The following TRAPPC14 variants were observed in gnomAD, a reference collection of about 807,000 sequenced individuals.
The protein encoded by TRAPPC14 is microtubule associated protein 11.
In TRAPPC14, 24 loss-of-function variants were observed where a neutral mutation model predicts 56.6. That is an observed-to-expected ratio of 0.42 (90% CI 0.31 to 0.60). TRAPPC14 has a LOEUF of 0.60. TRAPPC14 is among the 20% of genes least tolerant of loss of function. The pLI, the probability that TRAPPC14 is intolerant of heterozygous loss-of-function variation, is 0.14. For missense variants in TRAPPC14, 615 were observed against 790.3 expected, an observed-to-expected ratio of 0.78 and a Z score of 2.66; for synonymous variants, 377 against 347.0, an observed-to-expected ratio of 1.09 and a Z score of -0.96.
At chr7:100,157,797 A>G in intron 2 of TRAPPC14, 35 bp from the exon 3 acceptor site, 5 of 1,614,172 alleles carry the variant, frequency 3.1e-6, no homozygotes, top group Non-Finnish European at 3.4e-6. Flanking sequence ...TGAGCCCGGA[A>G]AAGGTGTCTG....
At position 100,157,281 on chromosome 7, in the gene TRAPPC14, A is replaced by C. The variant is rs570232635; in HGVS notation, c.725-67T>G. On this transcript the variant is annotated intron_variant, in intron 4 of 10. Transcript: ENST00000316937. ...TCAGGCCCCACCTTTACCCAGAAAA[A>C]ACCGGACCTACCCCACCAGCCTGCC... 35 of 1,613,184 alleles carry C rather than the reference A, an allele frequency of 2.2e-5. 1 individual carries two copies. In the Middle Eastern group the frequency reaches 9.9e-4, roughly 46 times the overall value.
chr7:100,157,712 A>C lies in TRAPPC14; in HGVS notation c.558T>G (p.Asp186Glu). The C allele has an allele frequency of 6.2e-7, 1 of 1,614,170 alleles. No individual in the cohort carries two copies. Among genetic ancestry groups the C allele is most frequent in the South Asian group, 1.1e-5 (1 of 91,086 alleles). ...KREIEAPEVR[D>E]QGYLRLLQTR... ...TCTGCAGCAATCGCAGGTAGCCTTG[A>C]TCTCTGACCTCTGGTGCCTCAATCT... The change falls in exon 3 of 11, where the codon GAT (aspartate) becomes GAG (glutamate). Residue 186 changes from aspartate (D) to glutamate (E), a missense_variant. Asp to Glu is a conservative substitution (Grantham distance 45, BLOSUM62 2). Coordinates refer to ENST00000316937, the MANE Select transcript of TRAPPC14 (RefSeq NM_018275.5).
At chr7:100,157,585 C>A (rs745819727) in intron 3 of TRAPPC14, 48 bp downstream of exon 3, 1 of 1,610,020 alleles carries the variant, frequency 6.2e-7, no homozygotes, top group Non-Finnish European at 8.5e-7. Context: ...CCCCTCTGTC[C>A]CCCAATTCCC....
intron 8 of TRAPPC14, 97 bp downstream of exon 8, chr7:100,156,289 G>T: frequency 1.5e-6 from 2 of 1,304,510 alleles, no homozygotes; most frequent in Non-Finnish European, 2.1e-6. Context: ...GATGGGGCTG[G>T]CACCAAATTT....
chr7:100,157,799 A>G, intron 2 of TRAPPC14, 37 bp from the exon 3 acceptor site: 2 of 1,614,080 alleles, frequency 1.2e-6, no homozygotes, highest in South Asian at 1.1e-5. Flanking sequence ...AGCCCGGAAA[A>G]GGTGTCTGAA....
rs558148477 is a variant in TRAPPC14, at chr7:100,158,386, C to T, written c.114G>A (p.Leu38=). 5.4e-6 allele frequency: 8 copies of T among 1,475,198 alleles called. No individual in the cohort carries two copies. The highest frequency in any genetic ancestry group is 1.5e-5 in the African/African-American group (1 of 68,140). 91.4% of individuals were successfully genotyped at this position (1,475,198 alleles called of 1,614,324 possible). Residue 38 remains leucine, a synonymous_variant, in exon 1 of 11, where the codon CTG becomes CTA. Coordinates refer to ENST00000316937, the MANE Select transcript of TRAPPC14 (RefSeq NM_018275.5). ...GAAAACGGACAGTCTCCCCCAAGTA[C>T]AGATGGTTGCGCCGGGGCAGCGCCC... ...RYRALPRRNH[L]YLGETVRFLL...
rs1206598688 is a variant in TRAPPC14 at position 100,158,476 on chromosome 7, C to G, written c.24G>C (p.Ser8=). 1 of 1,361,856 alleles carries G rather than the reference C, an allele frequency of 7.3e-7. No individual in the cohort carries two copies. The highest frequency in any genetic ancestry group is 9.4e-7 in the Non-Finnish European group (1 of 1,059,726). The allele number at this position is 1,361,856 out of a possible 1,614,324, so 84.4% of individuals were successfully genotyped here. The change falls in exon 1 of 11, where the codon TCG becomes TCC. Residue 8 remains serine (S), a synonymous_variant. Coordinates refer to ENST00000316937, the MANE Select transcript of TRAPPC14 (RefSeq NM_018275.5). ...GCAGCGGCACGGCCGGGAAGTACAT[C>G]GAGTAGTCGCACTGGGACTCCATGG... The part of the protein sequence containing the change: MESQCDY[S]MYFPAVPLPP...
chr7:100,158,092 G>T lies in TRAPPC14; in HGVS notation c.408C>A (p.Thr136=). The T allele has an allele frequency of 6.7e-7, 1 of 1,486,614 alleles. No individual in the cohort carries two copies. Among genetic ancestry groups the T allele is most frequent in the Non-Finnish European group, 8.9e-7 (1 of 1,118,656 alleles). The allele number at this position is 1,486,614 out of a possible 1,614,324, so 92.1% of individuals were successfully genotyped here. A position where few individuals can be genotyped will look rare whatever the true frequency, so the allele number is the denominator to read the frequency against. ...GPGPATSGGA[T]TLPVEEPIVS... is the part of the protein sequence containing the mutation. ...CAGGTCCCCCAAAGCTCCTCACCGTGGTCGCTCCCCCTGAGGTAGCAGGGC... is the reference window on the plus strand; with the variant it reads ...CAGGTCCCCCAAAGCTCCTCACCGTTGTCGCTCCCCCTGAGGTAGCAGGGC... Residue 136 remains threonine (T), a synonymous_variant, in exon 1 of 11, where the codon ACC becomes ACA. Transcript: ENST00000316937.
In TRAPPC14 at chr7:100,157,624, C is replaced by G. The variant is rs373516572; in HGVS notation, c.637+9G>C. On this transcript the variant is annotated intron_variant, in intron 3 of 10. Transcript: ENST00000316937. ...CTCTAGCCCTTTGCCTCTGCGCTGC[C>G]CTGCCCACCTTGGGCCTTGAAAGCG... 1.9e-5 allele frequency: 31 copies of G among 1,613,968 alleles called. No homozygotes were observed. The highest frequency in any genetic ancestry group is 1.1e-4 in the East Asian group (5 of 44,894).
chr7:100,157,944 G>A lies in TRAPPC14; in HGVS notation c.412-6C>T. On this transcript the variant is annotated splice_polypyrimidine_tract_variant and splice_region_variant and intron_variant, in intron 1 of 10. Transcript: ENST00000316937. ...ATCGGTTCCTCCACAGGCAGCTGGG[G>A]TTGGGAAAGGGGTGAAGAGGTCAGG... is the stretch of plus-strand genomic sequence containing the variant. The A allele has an allele frequency of 6.5e-7, 1 of 1,535,468 alleles. No homozygotes were observed. Among genetic ancestry groups the A allele is most frequent in the Non-Finnish European group, 8.8e-7 (1 of 1,139,938 alleles).
In TRAPPC14 at chr7:100,158,469, A is replaced by G; in HGVS notation, c.31T>C (p.Phe11Leu). 1 of 1,368,098 alleles carries G rather than the reference A, an allele frequency of 7.3e-7. No homozygotes were observed. Among genetic ancestry groups the G allele is most frequent in the Non-Finnish European group, 9.4e-7 (1 of 1,062,924 alleles). The allele number at this position is 1,368,098 out of a possible 1,614,324, so 84.7% of individuals were successfully genotyped here. ...CGCGGCGGCAGCGGCACGGCCGGGA[A>G]GTACATCGAGTAGTCGCACTGGGAC... Reference protein sequence around the residue: MESQCDYSMYFPAVPLPPRAE... With the variant: MESQCDYSMYLPAVPLPPRAE... The change falls in exon 1 of 11, where the codon TTC becomes CTC. Residue 11 changes from phenylalanine (F) to leucine (L), a missense_variant. Physicochemically the swap from Phe to Leu is conservative, Grantham distance 22. Coordinates refer to ENST00000316937, the MANE Select transcript of TRAPPC14 (RefSeq NM_018275.5).
intron 9 of TRAPPC14, 43 bp from the exon 10 acceptor site, chr7:100,155,498 A>AGGG: frequency 6.6e-7 from 1 of 1,517,150 alleles, no homozygotes; most frequent in South Asian, 1.3e-5. Context: ...GGCTTCCAGG[A>AGGG]CCCAGGCCTC....
In TRAPPC14 at chr7:100,155,776, G is replaced by A. The variant is rs1422427554; in HGVS notation, c.1290C>T (p.Asp430=). 1 of 1,614,210 alleles carries A rather than the reference G, an allele frequency of 6.2e-7. No individual in the cohort carries two copies. The highest frequency in any genetic ancestry group is 8.5e-7 in the Non-Finnish European group (1 of 1,180,028). Residue 430 remains aspartate (D), a synonymous_variant, in exon 9 of 11, where the codon GAC becomes GAT. Transcript: ENST00000316937. ...EERRAMQAAL[D]SVVCHTPLNN... The stretch of plus-strand genomic sequence containing the variant: ...TGAGGGGCGTGTGGCAGACGACGGA[G>A]TCCAGGGCAGCCTGCATGGCCCGGC...
chr7:100,158,407 C>T lies in TRAPPC14; in HGVS notation c.93G>A (p.Ala31=), dbSNP rs1798932928. 2 of 1,455,304 alleles carry T rather than the reference C, an allele frequency of 1.4e-6. No individual in the cohort carries two copies. The highest frequency in any genetic ancestry group is 3.0e-5 in the East Asian group (1 of 33,480). 90.1% of individuals were successfully genotyped at this position (1,455,304 alleles called of 1,614,324 possible). ...ELAGDPGRYR[A]LPRRNHLYLG... Reference sequence around the variant, plus strand: ...AGTACAGATGGTTGCGCCGGGGCAGCGCCCGGTACCGGCCCGGATCCCCTG... The same window carrying T: ...AGTACAGATGGTTGCGCCGGGGCAGTGCCCGGTACCGGCCCGGATCCCCTG... The change falls in exon 1 of 11, where the codon GCG becomes GCA. Residue 31 remains alanine (A), a synonymous_variant. Transcript: ENST00000316937.
Position 100,154,826 on chromosome 7 carries a change from C to A in TRAPPC14, c.*185G>T. 1 of 634,074 alleles carries A rather than the reference C, an allele frequency of 1.6e-6. No homozygotes were observed. The highest frequency in any genetic ancestry group is 2.8e-6 in the Non-Finnish European group (1 of 360,334). 39.3% of individuals were successfully genotyped at this position (634,074 alleles called of 1,614,324 possible). A position where few individuals can be genotyped will look rare whatever the true frequency, so the allele number is the denominator to read the frequency against. ...GGGAATACTGGTGGCTTAGTCCCAG[C>A]CATGCCCGCCCACTTCACAGCTTCT... is the stretch of plus-strand genomic sequence containing the variant. On this transcript the variant is annotated 3_prime_UTR_variant, in exon 11 of 11. Coordinates refer to ENST00000316937, the MANE Select transcript of TRAPPC14 (RefSeq NM_018275.5).
At position 100,158,312 on chromosome 7, in the gene TRAPPC14, C is replaced by T; in HGVS notation, c.188G>A (p.Gly63Asp). The change falls in exon 1 of 11, where the codon GGC (glycine) becomes GAC (aspartate). Residue 63 changes from glycine to aspartate, a missense_variant. Coordinates refer to ENST00000316937, the MANE Select transcript of TRAPPC14 (RefSeq NM_018275.5). ...RGGAGSGTGG[G>D]PGLGSRGAWA... is the part of the protein sequence containing the mutation. ...GGCTCCTCTGGAGCCCAAGCCCGGGCCGCCCCCGGTGCCGGACCCCGCACC... is the reference window on the plus strand; with the variant it reads ...GGCTCCTCTGGAGCCCAAGCCCGGGTCGCCCCCGGTGCCGGACCCCGCACC... 2 of 1,462,820 alleles carry T rather than the reference C, an allele frequency of 1.4e-6. No individual in the cohort carries two copies. The highest frequency in any genetic ancestry group is 2.6e-5 in the Admixed American group (1 of 38,208). The allele number at this position is 1,462,820 out of a possible 1,614,324, so 90.6% of individuals were successfully genotyped here. A position where few individuals can be genotyped will look rare whatever the true frequency, so the allele number is the denominator to read the frequency against.
intron 9 of TRAPPC14, 26 bp from the exon 10 acceptor site, chr7:100,155,481 C>T: frequency 6.6e-7 from 1 of 1,512,568 alleles, no homozygotes; most frequent in Non-Finnish European, 8.8e-7. Context: ...GGTCAGCATG[C>T]CAGCTCGGCT....
chr7:100,158,423 G>C lies in TRAPPC14; in HGVS notation c.77C>G (p.Pro26Arg). The change falls in exon 1 of 11, where the codon CCG becomes CGG. Residue 26 changes from proline to arginine, a missense_variant. Pro to Arg is a moderately radical substitution (Grantham distance 103). Transcript: ENST00000316937. The part of the protein sequence containing the change: ...LPPRAELAGD[P>R]GRYRALPRRN... The stretch of plus-strand genomic sequence containing the variant: ...CCGGGGCAGCGCCCGGTACCGGCCC[G>C]GATCCCCTGCCAGCTCCGCGCGCGG... 1 of 1,425,968 alleles carries C rather than the reference G, an allele frequency of 7.0e-7. No individual in the cohort carries two copies. The highest frequency in any genetic ancestry group is 9.2e-7 in the Non-Finnish European group (1 of 1,091,034). The allele number at this position is 1,425,968 out of a possible 1,614,324, so 88.3% of individuals were successfully genotyped here. A position where few individuals can be genotyped will look rare whatever the true frequency, so the allele number is the denominator to read the frequency against.
chr7:100,156,960 A>G lies in TRAPPC14; in HGVS notation c.878T>C (p.Phe293Ser). The stretch of plus-strand genomic sequence containing the variant: ...GCCAGAGGTCCCGGGTAGGCGGCAG[A>G]AGGAGCCCATGGAGACTTCCCCAGA... ...HQSGEVSMGS[F>S]CRLPGTSGCF... is the part of the protein sequence containing the mutation. Residue 293 changes from phenylalanine (F) to serine (S), a missense_variant, in exon 6 of 11, where the codon TTC (phenylalanine) becomes TCC (serine). Coordinates refer to ENST00000316937, the MANE Select transcript of TRAPPC14 (RefSeq NM_018275.5). The G allele has an allele frequency of 6.2e-7, 1 of 1,614,046 alleles. No individual in the cohort carries two copies. Among genetic ancestry groups the G allele is most frequent in the Non-Finnish European group, 8.5e-7 (1 of 1,180,012 alleles).
Sources: allele counts gnomAD v4.1 joint callset, GRCh38; gene constraint gnomAD v4.1.1; transcripts MANE v1.5; gene names NCBI Gene and HGNC (gene_info 2026-07-23, HGNC 2026-07-21).